The following CXCL13 variants were observed in gnomAD, a reference collection of about 807,000 sequenced individuals.
CXCL13 encodes the protein C-X-C motif chemokine ligand 13, also known as C-X-C motif chemokine 13.
In CXCL13, 7 loss-of-function variants were observed where a neutral mutation model predicts 12.2. That is an observed-to-expected ratio of 0.57 (90% CI 0.33 to 1.07). The LOEUF is 1.07. Ranked by LOEUF, CXCL13 falls within the 50% of genes least tolerant of loss-of-function variation. The pLI is 0.04. For synonymous variants in CXCL13, 47 were observed against 42.4 expected (o/e 1.11, Z -0.42); for missense variants, 113 against 127.4 (o/e 0.89, Z 0.55).
At chr4:77,528,479 G>C (rs1724827184) in intron 1 of CXCL13, among the ~76,000 whole-genome samples, 2 of 152,198 alleles carry the variant, frequency 1.3e-5, no homozygotes, top group Non-Finnish European at 1.5e-5. Context: ...TCTAAGTGGT[G>C]TGAGATGGTA....
rs137981573 is a variant in CXCL13 at position 77,561,891 on chromosome 4, A to G, written c.-42-43933A>G. ...CTGCTTGTGGGGTGATGTGGAGGGA[A>G]AGGCGCAGGTGGGAACCTGGGCTGC... On this transcript the variant is annotated intron_variant, in intron 1 of 4. Transcript: ENST00000286758. 4.5e-3 allele frequency among the ~76,000 whole-genome samples: 679 copies of G among 152,254 alleles called. 19 individuals carry two copies. The highest frequency in any genetic ancestry group is 0.027 in the East Asian group (139 of 5,168).
At chr4:77,543,631 C>A (rs527684503) in intron 1 of CXCL13, among the ~76,000 whole-genome samples, 28 of 152,112 alleles carry the variant, frequency 1.8e-4, no homozygotes, top group African/African-American at 6.7e-4. Flanking sequence ...CATATAGGAG[C>A]AACTTGTTTA....
chr4:77,573,578 G>GTAAT (rs1168194227), intron 1 of CXCL13, among the ~76,000 whole-genome samples: 2 of 151,736 alleles, frequency 1.3e-5, no homozygotes, highest in Non-Finnish European at 2.9e-5. Context: ...AAATTCATTT[G>GTAAT]TAATTCTGTA....
chr4:77,551,194 T>C (rs1578049848), intron 1 of CXCL13, among the ~76,000 whole-genome samples: 1 of 152,208 alleles, frequency 6.6e-6, no homozygotes, highest in African/African-American at 2.4e-5. Context: ...GTAGTTTCCA[T>C]TGTGTGGTTG....
chr4:77,579,119 T>C (rs1560531508), intron 1 of CXCL13, among the ~76,000 whole-genome samples: 1 of 152,232 alleles, frequency 6.6e-6, no homozygotes, highest in East Asian at 1.9e-4. Flanking sequence ...GTGCCTGGAT[T>C]GTGGAGAAGA....
chr4:77,530,679 G>C (rs1724889601), intron 1 of CXCL13, among the ~76,000 whole-genome samples: 2 of 151,798 alleles, frequency 1.3e-5, no homozygotes, highest in Non-Finnish European at 2.9e-5. Context: ...TTCTTTATTA[G>C]TATTGCTAAT....
At chr4:77,517,058 T>C (rs879467030) in intron 1 of CXCL13, among the ~76,000 whole-genome samples, 1 of 152,204 alleles carries the variant, frequency 6.6e-6, no homozygotes, top group Non-Finnish European at 1.5e-5. Context: ...CTTCATTTTG[T>C]TATGTACCCA....
At chr4:77,581,220 C>T (rs192389819) in intron 1 of CXCL13, among the ~76,000 whole-genome samples, 1 of 152,198 alleles carries the variant, frequency 6.6e-6, no homozygotes, top group Admixed American at 6.5e-5. Context: ...TTGAATTGTA[C>T]ACTTTAAATG....
rs2109799355 is a variant in CXCL13, at chr4:77,538,546, A to G, written c.-43+26758A>G. ...CTGTACTATAGAAGCAAAATTGATT[A>G]GGCTGGCTAATTTGAAGAGAAAAAG... is the stretch of plus-strand genomic sequence containing the variant. On this transcript the variant is annotated intron_variant, in intron 1 of 4. Transcript: ENST00000286758. Among the ~76,000 whole-genome samples the G allele has an allele frequency of 1.3e-5, 2 of 151,788 alleles. 1 individual carries two copies. Among genetic ancestry groups the G allele is most frequent in the South Asian group, 4.2e-4 (2 of 4,798 alleles).
At chr4:77,515,328 T>C (rs1206123979) in intron 1 of CXCL13, among the ~76,000 whole-genome samples, 1 of 152,084 alleles carries the variant, frequency 6.6e-6, no homozygotes, top group African/African-American at 2.4e-5. Context: ...AAGTAGTTTT[T>C]TCCAATTCTG....
chr4:77,584,787 G>A (rs942934107), intron 1 of CXCL13, among the ~76,000 whole-genome samples: 2 of 152,224 alleles, frequency 1.3e-5, no homozygotes, highest in Admixed American at 6.5e-5. Context: ...CCCCTCAGGC[G>A]AGTGCTGGGA....
intron 1 of CXCL13, among the ~76,000 whole-genome samples, chr4:77,579,794 A>C (rs1269646396): frequency 6.6e-6 from 1 of 152,214 alleles, no homozygotes; most frequent in East Asian, 1.9e-4. Flanking sequence ...TAGTACAAGC[A>C]AATAACCCCA....
chr4:77,529,645 A>C (rs910861925), intron 1 of CXCL13, among the ~76,000 whole-genome samples: 3 of 152,178 alleles, frequency 2.0e-5, no homozygotes, highest in Admixed American at 6.5e-5. Context: ...GACTTTGCTG[A>C]AGTTGCCTAT....
At chr4:77,530,703 T>G (rs1724890535) in intron 1 of CXCL13, among the ~76,000 whole-genome samples, 1 of 152,214 alleles carries the variant, frequency 6.6e-6, no homozygotes, top group Admixed American at 6.5e-5. Context: ...CTGTCAGTTT[T>G]GTTGATCTTT....
chr4:77,592,733 G>A (rs1726644743), intron 1 of CXCL13, among the ~76,000 whole-genome samples: 1 of 152,150 alleles, frequency 6.6e-6, no homozygotes, highest in Admixed American at 6.5e-5. Flanking sequence ...CATGCCACAG[G>A]GGCAATCCAG....
chr4:77,569,062 T>C (rs778241855), intron 1 of CXCL13, among the ~76,000 whole-genome samples: 3 of 152,128 alleles, frequency 2.0e-5, no homozygotes, highest in Non-Finnish European at 2.9e-5. Context: ...TTTTAAGCAA[T>C]TGGAGCAAAT....
chr4:77,541,453 A>G (rs953053803), intron 1 of CXCL13, among the ~76,000 whole-genome samples: 8 of 152,094 alleles, frequency 5.3e-5, no homozygotes, highest in African/African-American at 1.9e-4. Flanking sequence ...TCCCAGCACC[A>G]TTTATTGAAT....
intron 1 of CXCL13, among the ~76,000 whole-genome samples, chr4:77,526,380 T>C (rs1364686058): frequency 6.6e-6 from 1 of 152,124 alleles, no homozygotes; most frequent in African/African-American, 2.4e-5. Context: ...ACTCATTATA[T>C]AAATAAAACC....
intron 1 of CXCL13, among the ~76,000 whole-genome samples, chr4:77,599,542 G>A (rs1008597045): frequency 2.0e-5 from 3 of 152,202 alleles, no homozygotes; most frequent in South Asian, 2.1e-4. Context: ...CATTTGGAAC[G>A]TAAATTGGAG....
Sources: gnomAD v4.1 joint callset for allele counts (sites outside exome capture counted in the v4.1 genomes callset) on GRCh38, gnomAD v4.1.1 for gene constraint, MANE v1.5 for transcripts, NCBI Gene and HGNC (gene_info 2026-07-23, HGNC 2026-07-21) for gene names.